KLHDC4: variants seen among roughly 807,000 people sequenced by gnomAD.
KLHDC4 encodes the protein kelch domain containing 4.
A neutral mutation model predicts 62.4 loss-of-function variants in KLHDC4; 90 were observed. That is an observed-to-expected ratio of 1.44 (90% CI 1.22 to 1.72). The LOEUF is 1.72. Among genes scored for constraint, KLHDC4 ranks in the 40% most tolerant of loss-of-function variants. The pLI is 0.00. For missense variants in KLHDC4, 1,025 were observed against 699.7 expected (o/e 1.47, Z -5.25); for synonymous variants, 386 against 284.4 (o/e 1.36, Z -3.59).
At chr16:87,748,568 T>C in intron 5 of KLHDC4, 105 bp downstream of exon 5, 2 of 1,429,356 alleles carry the variant, frequency 1.4e-6, no homozygotes, top group South Asian at 2.6e-5. Flanking sequence ...GTGACCCAAG[T>C]TCCTCTGAAC....
chr16:87,755,241 T>C lies in KLHDC4; in HGVS notation c.322A>G (p.Thr108Ala), dbSNP rs141234208. 3.0e-5 allele frequency: 48 copies of C among 1,611,814 alleles called. No individual in the cohort carries two copies. Among genetic ancestry groups the C allele is most frequent in the Non-Finnish European group, 4.1e-5 (48 of 1,178,134 alleles). ...GGTGGACTGGGGATGTCAACTTTGG[T>C]CCAGGTGTCCTTTCTGGTATTGTAG... ...YVYNTRKDTWTKVDIPSPPPR... is the reference protein window; with the variant it reads ...YVYNTRKDTWAKVDIPSPPPR... The change falls in exon 4 of 12, where the codon ACC becomes GCC. Residue 108 changes from threonine to alanine, a missense_variant. Coordinates refer to ENST00000270583, the MANE Select transcript of KLHDC4 (RefSeq NM_017566.4).
chr16:87,728,593 A>G (rs1255867965), intron 6 of KLHDC4, among the ~76,000 whole-genome samples: 4 of 152,232 alleles, frequency 2.6e-5, no homozygotes, highest in East Asian at 1.9e-4. Flanking sequence ...GGGCTGTACA[A>G]TCTCACTGTC....
chr16:87,736,435 G>A (rs185821832), intron 5 of KLHDC4, among the ~76,000 whole-genome samples: 2 of 152,256 alleles, frequency 1.3e-5, no homozygotes, highest in African/African-American at 2.4e-5. Flanking sequence ...AATTCCTGCC[G>A]GATCCCTGAG....
chr16:87,749,740 T>C (rs1031678451), intron 4 of KLHDC4, among the ~76,000 whole-genome samples: 1 of 152,102 alleles, frequency 6.6e-6, no homozygotes, highest in African/African-American at 2.4e-5. Flanking sequence ...TGTGACATCA[T>C]GCCCAGCTGT....
chr16:87,706,212 C>A (rs1345534858), downstream of KLHDC4, among the ~76,000 whole-genome samples: 4 of 40,636 alleles, frequency 9.8e-5, 1 homozygote, highest in Admixed American at 9.5e-4. Context: ...CAAACACAAG[C>A]TGCAGCCCTC....
Position 87,728,100 on chromosome 16 carries a change from T to C in KLHDC4, c.600-1176A>G, listed in dbSNP as rs372843506. Among the ~76,000 whole-genome samples, 5 of 152,226 alleles carry C rather than the reference T, an allele frequency of 3.3e-5. No individual in the cohort carries two copies. The East Asian group carries it at 7.7e-4, about 24-fold the overall frequency. ...TACTCAGGAGGCTGAGGCACGAGAA[T>C]AGTTTGAACCTACGAGGTGGAGGCT... On this transcript the variant is annotated intron_variant, in intron 6 of 11. Coordinates refer to ENST00000270583, the MANE Select transcript of KLHDC4 (RefSeq NM_017566.4).
intron 2 of KLHDC4, among the ~76,000 whole-genome samples, chr16:87,757,914 A>C (rs895352701): frequency 3.9e-5 from 6 of 152,234 alleles, no homozygotes; most frequent in Admixed American, 3.3e-4. Flanking sequence ...TAAATAAATA[A>C]ATACATAGGG....
At chr16:87,709,131 G>A in intron 10 of KLHDC4, 134 bp downstream of exon 10, 2 of 1,140,212 alleles carry the variant, frequency 1.8e-6, no homozygotes, top group Non-Finnish European at 2.5e-6. Flanking sequence ...TCTGACCGTG[G>A]AGGCAGGAGC....
chr16:87,718,518 C>A (rs541527683), intron 7 of KLHDC4, among the ~76,000 whole-genome samples: 1 of 150,254 alleles, frequency 6.7e-6, no homozygotes, highest in African/African-American at 2.5e-5. Flanking sequence ...TGCAGGCACG[C>A]GCCGCCACGC....
At chr16:87,735,174 C>T (rs1256238418) in intron 5 of KLHDC4, among the ~76,000 whole-genome samples, 1 of 151,946 alleles carries the variant, frequency 6.6e-6, no homozygotes, top group African/African-American at 2.4e-5. Context: ...GTGGCGGGCG[C>T]CTGTAGTCCC....
At chr16:87,729,274 G>T (rs758624049) in intron 6 of KLHDC4, 1 of 152,190 alleles carries the variant, frequency 6.6e-6, no homozygotes, top group African/African-American at 2.4e-5. Flanking sequence ...TTATCACGAT[G>T]GATCAAGAAT....
chr16:87,764,801 C>T (rs1292157140), intron 1 of KLHDC4, among the ~76,000 whole-genome samples: 3 of 148,906 alleles, frequency 2.0e-5, no homozygotes, highest in Admixed American at 2.0e-4. Flanking sequence ...CCACTGCAGC[C>T]CAGCCTAGGT....
intron 7 of KLHDC4, among the ~76,000 whole-genome samples, chr16:87,720,770 T>C (rs2038132118): frequency 6.6e-6 from 1 of 152,258 alleles, no homozygotes; most frequent in African/African-American, 2.4e-5. Context: ...CAGCTTCCTT[T>C]TGAAAACTGC....
At chr16:87,732,515 T>A (rs1209056746) in intron 5 of KLHDC4, among the ~76,000 whole-genome samples, 3 of 152,090 alleles carry the variant, frequency 2.0e-5, no homozygotes, top group Non-Finnish European at 2.9e-5. Context: ...AATAAAAAAA[T>A]ACAAAAAGCA....
intron 4 of KLHDC4, 49 bp downstream of exon 4, chr16:87,755,145 C>A (rs1295301920): frequency 1.6e-6 from 2 of 1,288,766 alleles, no homozygotes; most frequent in African/African-American, 2.9e-5. Context: ...GTCTACCAGA[C>A]TCCCACGTGG....
rs747508732 is a variant in KLHDC4, at chr16:87,730,620, C to T, written c.531G>A (p.Arg177=). 4.3e-6 allele frequency: 7 copies of T among 1,613,126 alleles called. No individual in the cohort carries two copies. Among genetic ancestry groups the T allele is most frequent in the Non-Finnish European group, 5.9e-6 (7 of 1,179,828 alleles). ...TCCAGGCCACCATCCGATGTCCACT[C>T]CGACCCGAAGGACCGCCTGTTGATC... ...QVKSTGGPSG[R]SGHRMVAWKR... is the part of the protein sequence containing the mutation. Residue 177 remains arginine, a synonymous_variant, in exon 6 of 12, where the codon CGG becomes CGA. Transcript: ENST00000270583.
intron 5 of KLHDC4, 141 bp from the exon 6 acceptor site, chr16:87,730,785 A>G (rs1248627099): frequency 1.4e-6 from 1 of 691,172 alleles, no homozygotes; most frequent in Non-Finnish European, 2.5e-6. Flanking sequence ...AATACCATTT[A>G]ATCTGATCTA....
chr16:87,712,636 G>A (rs1294220511), intron 8 of KLHDC4, among the ~76,000 whole-genome samples: 1 of 152,274 alleles, frequency 6.6e-6, no homozygotes, highest in Non-Finnish European at 1.5e-5. Flanking sequence ...TGTCCTATCA[G>A]CCAGGGTGCA....
intron 8 of KLHDC4, among the ~76,000 whole-genome samples, chr16:87,713,914 G>A (rs946126699): frequency 7.4e-6 from 1 of 135,352 alleles, no homozygotes; most frequent in African/African-American, 2.6e-5. Context: ...TAACAGCCCC[G>A]AGTTCAGTAA....
Sources: allele counts gnomAD v4.1 joint callset (sites outside exome capture counted in the v4.1 genomes callset), GRCh38; gene constraint gnomAD v4.1.1; transcripts MANE v1.5; gene names NCBI Gene and HGNC (gene_info 2026-07-23, HGNC 2026-07-21).